Variants in RHEX observed in about 807,000 individuals in gnomAD.
RHEX encodes the protein regulator of hemoglobinization and erythroid cell expansion protein.
A neutral mutation model predicts 20.1 loss-of-function variants in RHEX; 18 were observed. The ratio of observed to expected loss-of-function variants is 0.90; its 90% CI spans 0.62 to 1.33. The LOEUF (loss-of-function observed/expected upper bound fraction) is 1.33. Among genes scored for constraint, RHEX ranks in the 40% most tolerant of loss-of-function variants. RHEX has a pLI of 0.00. For synonymous variants in RHEX, 87 were observed against 77.1 expected, an observed-to-expected ratio of 1.13 and a Z score of -0.67; for missense variants, 192 against 214.3, an observed-to-expected ratio of 0.90 and a Z score of 0.65.
At chr1:206,063,653 C>T (rs575127115) in intron 1 of RHEX, among the ~76,000 whole-genome samples, 5 of 152,384 alleles carry the variant, frequency 3.3e-5, no homozygotes, top group African/African-American at 7.2e-5. Flanking sequence ...CTCGGCCTCC[C>T]GAGGTGCCGG....
chr1:206,067,344 G>A lies in RHEX; in HGVS notation c.-97+14079G>A, dbSNP rs1291157757. Among the ~76,000 whole-genome samples, 3 of 152,178 alleles carry A rather than the reference G, an allele frequency of 2.0e-5. No homozygotes were observed. Among genetic ancestry groups the A allele is most frequent in the Non-Finnish European group, 4.4e-5 (3 of 68,028 alleles). ...CCTGTCATCATCCTAGGAGATTTTAGTGGCAATGTAGATAGTTCTTCCTAG... is the reference window on the plus strand; with the variant it reads ...CCTGTCATCATCCTAGGAGATTTTAATGGCAATGTAGATAGTTCTTCCTAG... On this transcript the variant is annotated intron_variant, in intron 1 of 5. Transcript: ENST00000331555. This position sits in a 1 kb window ranked among gnomAD's most constrained non-coding sequence, Gnocchi z 4.6.
chr1:206,053,805 A>G (rs557168194), intron 1 of RHEX, among the ~76,000 whole-genome samples: 1 of 152,354 alleles, frequency 6.6e-6, no homozygotes, highest in Admixed American at 6.5e-5. Flanking sequence ...AGAAAGTTAC[A>G]GCTGCTTTTA....
chr1:206,085,851 A>T (rs557152402), intron 1 of RHEX, among the ~76,000 whole-genome samples: 3 of 152,276 alleles, frequency 2.0e-5, no homozygotes, highest in Admixed American at 6.5e-5. Flanking sequence ...GTGCCCAAGG[A>T]ATGTATAAAG....
rs188611266 is a variant in RHEX, at chr1:206,069,024, C to A, written c.-97+15759C>A. On this transcript the variant is annotated intron_variant, in intron 1 of 5. Transcript: ENST00000331555. ...TGGCAAATGGGATGGTTATGCCCAG[C>A]CTGAAGCCAAGATGCCCTTTCTGGT... 2.0e-5 allele frequency among the ~76,000 whole-genome samples: 3 copies of A among 152,300 alleles called. No individual in the cohort carries two copies. The East Asian group carries it at 5.8e-4, about 29-fold the overall frequency.
chr1:206,055,351 G>A (rs989470983), intron 1 of RHEX, among the ~76,000 whole-genome samples: 1 of 152,240 alleles, frequency 6.6e-6, no homozygotes, highest in Non-Finnish European at 1.5e-5. Flanking sequence ...GTTCATCCCC[G>A]AGCGGATGTG....
intron 3 of RHEX, 167 bp downstream of exon 3, chr1:206,098,348 T>C: frequency 1.7e-6 from 1 of 603,772 alleles, no homozygotes; most frequent in Non-Finnish European, 3.0e-6. Flanking sequence ...AATAACTGTA[T>C]CTGGGTAATC....
intron 1 of RHEX, among the ~76,000 whole-genome samples, chr1:206,078,762 G>C (rs1451225963): frequency 6.6e-6 from 1 of 152,076 alleles, no homozygotes; most frequent in Non-Finnish European, 1.5e-5. Context: ...CTGAAAGGAA[G>C]GGGAAGGGTG....
At chr1:206,066,345 A>T (rs1553284159) in intron 1 of RHEX, among the ~76,000 whole-genome samples, 1 of 152,250 alleles carries the variant, frequency 6.6e-6, no homozygotes, top group African/African-American at 2.4e-5. Context: ...GGCCAGGCAC[A>T]GTGGCTCACG....
intron 3 of RHEX, 93 bp from the exon 4 acceptor site, chr1:206,099,562 A>G (rs1663143566): frequency 1.6e-6 from 2 of 1,243,314 alleles, no homozygotes. Context: ...CAAGTGATCC[A>G]TTTACCTCAG....
intron 1 of RHEX, among the ~76,000 whole-genome samples, chr1:206,092,233 A>T (rs77434357): frequency 0.015 from 2,336 of 152,152 alleles, 53 homozygotes; most frequent in African/African-American, 0.053. Context: ...CAATGCTTTT[A>T]ATTTCTAAAT....
chr1:206,063,733 G>A (rs566845503), intron 1 of RHEX, among the ~76,000 whole-genome samples: 325 of 152,322 alleles, frequency 2.1e-3, no homozygotes, highest in African/African-American at 7.4e-3. Flanking sequence ...GCGTGATCTC[G>A]GCTGGCTACA....
At chr1:206,063,892 A>G (rs548487781) in intron 1 of RHEX, among the ~76,000 whole-genome samples, 5 of 135,614 alleles carry the variant, frequency 3.7e-5, no homozygotes, top group African/African-American at 8.4e-5. Flanking sequence ...CTGGCTGCCC[A>G]GTCTGGAAAG....
chr1:206,058,893 C>G (rs1419653948), intron 1 of RHEX, among the ~76,000 whole-genome samples: 3 of 152,158 alleles, frequency 2.0e-5, no homozygotes, highest in African/African-American at 7.2e-5. Context: ...GAGGTTTTGT[C>G]TGCGGCTCGT....
At chr1:206,064,404 C>G (rs1662375835) in intron 1 of RHEX, among the ~76,000 whole-genome samples, 1 of 126,438 alleles carries the variant, frequency 7.9e-6, no homozygotes, top group Non-Finnish European at 1.6e-5. Flanking sequence ...GGTCAGCCCC[C>G]CGCCCGGCCA....
At chr1:206,062,025 C>A (rs1553283350) in intron 1 of RHEX, 1 of 152,194 alleles carries the variant, frequency 6.6e-6, no homozygotes, top group Non-Finnish European at 1.5e-5. Context: ...TCCTGGCCAA[C>A]ATGGTGAAAC....
chr1:206,062,962 A>C (rs1293991837), intron 1 of RHEX, among the ~76,000 whole-genome samples: 1 of 152,196 alleles, frequency 6.6e-6, no homozygotes, highest in Non-Finnish European at 1.5e-5. Context: ...AGAAACACAT[A>C]AACACACAAA....
intron 1 of RHEX, among the ~76,000 whole-genome samples, chr1:206,088,939 C>G (rs1662893953): frequency 6.6e-6 from 1 of 152,004 alleles, no homozygotes. Flanking sequence ...CCTGCTTCAG[C>G]CTCCCAAGTA....
intron 1 of RHEX, among the ~76,000 whole-genome samples, chr1:206,095,516 T>C (rs1663046827): frequency 6.6e-6 from 1 of 152,178 alleles, no homozygotes. Context: ...GGATATGGAA[T>C]AAGATTTGGG....
chr1:206,098,102 C>A lies in RHEX; in HGVS notation c.33C>A (p.Gly11=), dbSNP rs1379429672. ...ACAGAGTCATGGAGGTCTGGCATGGCTTAGTGATCGCGGTGGTGTCCCTCT... is the reference window on the plus strand; with the variant it reads ...ACAGAGTCATGGAGGTCTGGCATGGATTAGTGATCGCGGTGGTGTCCCTCT... MLTEVMEVWH[G]LVIAVVSLFL... is the part of the protein sequence containing the mutation. Residue 11 remains glycine, a synonymous_variant, in exon 3 of 6, where the codon GGC becomes GGA. Coordinates refer to ENST00000331555, the MANE Select transcript of RHEX (RefSeq NM_001007544.4). 3 of 1,613,968 alleles carry A rather than the reference C, an allele frequency of 1.9e-6. No individual in the cohort carries two copies. Among genetic ancestry groups the A allele is most frequent in the Non-Finnish European group, 2.5e-6 (3 of 1,179,834 alleles).
Sources: gnomAD v4.1 joint callset for allele counts (sites outside exome capture counted in the v4.1 genomes callset) on GRCh38, gnomAD v4.1.1 for gene constraint, Gnocchi (gnomAD v3.1) non-coding constraint, MANE v1.5 for transcripts, NCBI Gene and HGNC (gene_info 2026-07-23, HGNC 2026-07-21) for gene names.